Variants in CNNM2 observed in about 807,000 individuals in gnomAD.
CNNM2 encodes the protein metal transporter CNNM2.
Under a neutral mutation model 66.9 loss-of-function variants are expected in CNNM2, and 12 were observed. That is an observed-to-expected ratio of 0.18 (90% CI 0.11 to 0.29). The LOEUF is 0.29. Among genes scored for constraint, CNNM2 ranks in the 10% least tolerant of loss-of-function variants. The pLI is 1.00. For missense variants in CNNM2, 705 were observed against 1,167.7 expected (o/e 0.60, Z 5.77); for synonymous variants, 557 against 501.8 (o/e 1.11, Z -1.47).
intron 1 of CNNM2, among the ~76,000 whole-genome samples, chr10:103,017,520 G>C (rs2134280537): frequency 6.6e-6 from 1 of 152,346 alleles, no homozygotes; most frequent in Admixed American, 6.5e-5. Flanking sequence ...CAAAGGCCTT[G>C]TGAGGAGGTG....
chr10:102,927,561 A>G (rs777804537), intron 1 of CNNM2: 4 of 1,117,566 alleles, frequency 3.6e-6, no homozygotes, highest in Non-Finnish European at 5.0e-6. Flanking sequence ...GGAGTTCCAG[A>G]CTGACAGTCT....
chr10:103,044,565 A>AG (rs1724065383), intron 1 of CNNM2, among the ~76,000 whole-genome samples: 2 of 147,986 alleles, frequency 1.4e-5, no homozygotes, highest in African/African-American at 2.5e-5. Context: ...AAAAAAAAAA[A>AG]GTTGTTTACA....
chr10:103,011,040 T>G (rs1250826083), intron 1 of CNNM2, among the ~76,000 whole-genome samples: 1 of 152,268 alleles, frequency 6.6e-6, no homozygotes, highest in Admixed American at 6.5e-5. Context: ...GACATAACTT[T>G]AAGCAGGGAC....
At chr10:103,009,688 A>AG (rs2064299620) in intron 1 of CNNM2, among the ~76,000 whole-genome samples, 1 of 147,526 alleles carries the variant, frequency 6.8e-6, no homozygotes, top group Non-Finnish European at 1.5e-5. Context: ...AAAAAAAAAA[A>AG]AAAAAAAAAA....
intron 1 of CNNM2, among the ~76,000 whole-genome samples, chr10:103,024,753 C>T (rs1350805550): frequency 6.6e-6 from 1 of 152,168 alleles, no homozygotes; most frequent in Admixed American, 6.5e-5. Context: ...GCTGGGATTA[C>T]AGGCGTGAGC....
intron 4 of CNNM2, among the ~76,000 whole-genome samples, chr10:103,057,484 G>A (rs986534418): frequency 6.6e-6 from 1 of 151,806 alleles, no homozygotes; most frequent in Non-Finnish European, 1.5e-5. Context: ...AAAAAAAGTT[G>A]GGGGGATGCA....
chr10:103,054,371 A>G lies in CNNM2; in HGVS notation c.1808A>G (p.Lys603Arg). ...TKKKVAHRER[K>R]QDFSAFKQTD... The stretch of plus-strand genomic sequence containing the variant: ...AAGAAAGTGGCTCACCGGGAACGAA[A>G]GCAAGATTTTTCTGCCTTTAAGCAG... Residue 603 changes from lysine to arginine, a missense_variant, in exon 3 of 8, where the codon AAG becomes AGG. Physicochemically the swap from Lys to Arg is conservative, Grantham distance 26 (BLOSUM62 2). Around this residue, in one of 9 missense-constraint regions of CNNM2, gnomAD observed 171 missense variants for 304.8 expected, o/e 0.56. Coordinates refer to ENST00000369878, the MANE Select transcript of CNNM2 (RefSeq NM_017649.5). This position sits in a 1 kb window ranked among gnomAD's most constrained non-coding sequence, Gnocchi z 5.2. 6.2e-7 allele frequency: 1 copy of G among 1,613,992 alleles called. No individual in the cohort carries two copies. Among genetic ancestry groups the G allele is most frequent in the South Asian group, 1.1e-5 (1 of 91,070 alleles).
At chr10:103,016,511 G>GC (rs1428317033) in intron 1 of CNNM2, among the ~76,000 whole-genome samples, 1 of 151,956 alleles carries the variant, frequency 6.6e-6, no homozygotes, top group East Asian at 1.9e-4. Flanking sequence ...GAGCAGACAA[G>GC]CCTTACATCT....
intron 1 of CNNM2, among the ~76,000 whole-genome samples, chr10:102,976,987 CT>C (rs1296216883): frequency 2.0e-5 from 3 of 152,176 alleles, no homozygotes; most frequent in African/African-American, 7.2e-5. Flanking sequence ...ACTATTAACA[CT>C]TTACCTTTAT....
chr10:102,981,085 G>A (rs963739442), intron 1 of CNNM2, among the ~76,000 whole-genome samples: 2 of 151,970 alleles, frequency 1.3e-5, no homozygotes, highest in African/African-American at 4.8e-5. Context: ...GTGGTGGCTC[G>A]CACCTGTAAT....
chr10:102,991,041 C>T (rs1012940477), intron 1 of CNNM2, among the ~76,000 whole-genome samples: 7 of 152,122 alleles, frequency 4.6e-5, no homozygotes, highest in Admixed American at 1.3e-4. Flanking sequence ...GGCTGGAGTG[C>T]GGTGGTGCGA....
chr10:102,935,277 A>G (rs565334072), intron 1 of CNNM2, among the ~76,000 whole-genome samples: 4 of 151,968 alleles, frequency 2.6e-5, no homozygotes, highest in African/African-American at 9.7e-5. Flanking sequence ...CAGCCTAGAC[A>G]ATATTGGGAG....
intron 1 of CNNM2, among the ~76,000 whole-genome samples, chr10:102,926,805 T>C (rs1430686919): frequency 2.1e-5 from 3 of 143,676 alleles, no homozygotes; most frequent in Non-Finnish European, 4.5e-5. Context: ...AAGCTCCACC[T>C]CCTGGGCTCA....
chr10:103,072,476 C>T (rs2065604557), intron 6 of CNNM2, among the ~76,000 whole-genome samples: 1 of 149,662 alleles, frequency 6.7e-6, no homozygotes, highest in South Asian at 2.1e-4. Context: ...GGCGACCCCG[C>T]TTCTCCCCGC....
chr10:102,998,353 T>A (rs1181608472), intron 1 of CNNM2, among the ~76,000 whole-genome samples: 2 of 152,236 alleles, frequency 1.3e-5, no homozygotes, highest in Non-Finnish European at 2.9e-5. Context: ...ATTGACAGGC[T>A]ATTCAATACT....
chr10:102,966,568 A>C (rs947383575), intron 1 of CNNM2, among the ~76,000 whole-genome samples: 1 of 152,210 alleles, frequency 6.6e-6, no homozygotes, highest in African/African-American at 2.4e-5. Flanking sequence ...CGGAGGCTGC[A>C]GTGAGTCGAG....
intron 1 of CNNM2, among the ~76,000 whole-genome samples, chr10:102,965,796 CTTAT>C (rs2063454265): frequency 6.6e-6 from 1 of 152,178 alleles, no homozygotes; most frequent in South Asian, 2.1e-4. Flanking sequence ...TCCTAAGTCA[CTTAT>C]TTAAGAAGTA....
At chr10:102,940,047 G>C (rs1846373627) in intron 1 of CNNM2, among the ~76,000 whole-genome samples, 1 of 152,026 alleles carries the variant, frequency 6.6e-6, no homozygotes, top group African/African-American at 2.4e-5. Context: ...GAATTAGACA[G>C]ATTTCCTGCT....
chr10:103,033,381 G>A lies in CNNM2; in HGVS notation c.1622-16326G>A, dbSNP rs369358498. 1.1e-4 allele frequency among the ~76,000 whole-genome samples: 17 copies of A among 152,044 alleles called. No individual in the cohort carries two copies. The East Asian group carries it at 1.2e-3, about 10-fold the overall frequency. ...TTTTATTGTATTTTTTAGTAGAGAC[G>A]GGGTTTCACTGTGTTAGCCAGGACA... is the stretch of plus-strand genomic sequence containing the variant. On this transcript the variant is annotated intron_variant, in intron 1 of 7. Coordinates refer to ENST00000369878, the MANE Select transcript of CNNM2 (RefSeq NM_017649.5).
Sources: allele counts gnomAD v4.1 joint callset (sites outside exome capture counted in the v4.1 genomes callset), GRCh38; gene constraint gnomAD v4.1.1; regional missense constraint gnomAD v4.1.1; non-coding constraint Gnocchi (gnomAD v3.1); transcripts MANE v1.5; gene names NCBI Gene and HGNC (gene_info 2026-07-23, HGNC 2026-07-21).